SLC8A1: variants seen among roughly 807,000 people sequenced by gnomAD.
The protein encoded by SLC8A1 is solute carrier family 8 member A1, also known as sodium/calcium exchanger 1.
SLC8A1 carries 18 observed loss-of-function variants against 68.3 expected under a neutral mutation model. That is an observed-to-expected ratio of 0.26 (90% CI 0.18 to 0.39). The LOEUF (loss-of-function observed/expected upper bound fraction) is 0.39, where lower values mean the gene tolerates loss of function less well. Ranked by LOEUF, SLC8A1 falls within the 10% of genes least tolerant of loss-of-function variation. The pLI, the probability that SLC8A1 is intolerant of heterozygous loss-of-function variation, is 1.00. For synonymous variants in SLC8A1, 475 were observed against 415.5 expected (o/e 1.14, Z -1.74); for missense variants, 985 against 1,156.7 (o/e 0.85, Z 2.15).
At chr2:40,118,622 T>C (rs1188080992) in intron 7 of SLC8A1, 1 of 145,176 alleles carries the variant, frequency 6.9e-6, no homozygotes, top group Non-Finnish European at 1.5e-5. Context: ...TTTTTTTTTT[T>C]TTTTTTTTTT....
intron 2 of SLC8A1, among the ~76,000 whole-genome samples, chr2:40,185,352 C>A (rs1320847619): frequency 6.6e-6 from 1 of 152,126 alleles, no homozygotes; most frequent in Non-Finnish European, 1.5e-5. Context: ...GGTTCATCGG[C>A]TGATAAATGG....
chr2:40,098,306 C>G (rs550184604), exon 8 of SLC8A1: 5 of 151,948 alleles, frequency 3.3e-5, no homozygotes, highest in African/African-American at 1.2e-4. Flanking sequence ...TTTTAAAAGA[C>G]ATCAGTTTGA....
At chr2:40,315,532 C>A (rs969370233) in intron 2 of SLC8A1, among the ~76,000 whole-genome samples, 2 of 149,184 alleles carry the variant, frequency 1.3e-5, no homozygotes, top group Non-Finnish European at 3.0e-5. Context: ...TAGTATTGAA[C>A]TAGCGTTTAA....
In SLC8A1 at chr2:40,511,125, A is replaced by C. The variant is rs118079501; in HGVS notation, c.-25+1224T>G. On this transcript the variant is annotated intron_variant, in intron 1 of 7. Coordinates refer to the SLC8A1 transcript ENST00000402441. ...TGTCTGTCATCAGAGAAGGAAGGTC[A>C]CATTCAATATTTCTCCATTTCTCTT... is the stretch of plus-strand genomic sequence containing the variant. 4.9e-3 allele frequency among the ~76,000 whole-genome samples: 740 copies of C among 152,304 alleles called. 14 individuals are homozygous for C. Among genetic ancestry groups the C allele is most frequent in the East Asian group, 0.033 (169 of 5,176 alleles).
chr2:40,127,485 C>A (rs2038381836), intron 7 of SLC8A1, among the ~76,000 whole-genome samples: 1 of 152,194 alleles, frequency 6.6e-6, no homozygotes, highest in South Asian at 2.1e-4. Context: ...GAAGGCTCAT[C>A]ATACACAGAA....
At chr2:40,348,680 G>T (rs1015159704) in intron 2 of SLC8A1, among the ~76,000 whole-genome samples, 1 of 152,034 alleles carries the variant, frequency 6.6e-6, no homozygotes, top group Non-Finnish European at 1.5e-5. Context: ...GGGGTCTCAG[G>T]GCAGCTAGTG....
At chr2:40,278,491 CA>C (rs1300923875) in intron 2 of SLC8A1, among the ~76,000 whole-genome samples, 8 of 151,512 alleles carry the variant, frequency 5.3e-5, no homozygotes, top group Non-Finnish European at 1.0e-4. Flanking sequence ...CAAAACAAAA[CA>C]AAACAAAACA....
chr2:40,391,996 A>C (rs1049426725), intron 2 of SLC8A1, among the ~76,000 whole-genome samples: 7 of 152,028 alleles, frequency 4.6e-5, no homozygotes, highest in African/African-American at 1.7e-4. Flanking sequence ...TTCAGTCCTT[A>C]AGTGGAAACA....
At chr2:40,395,994 G>A (rs147244725) in intron 2 of SLC8A1, among the ~76,000 whole-genome samples, 7 of 151,942 alleles carry the variant, frequency 4.6e-5, no homozygotes, top group Admixed American at 1.3e-4. Context: ...TTTTCTTCTG[G>A]GAAAAAACAC....
Position 40,399,569 on chromosome 2 carries a change from C to A in SLC8A1, c.1808+28904G>T, listed in dbSNP as rs1397576216. Reference sequence around the variant, plus strand: ...AAATAAAAAGACTGCAATTTTTAATCTAACTCTTACCAGAATGAAAAACCA... The same window carrying A: ...AAATAAAAAGACTGCAATTTTTAATATAACTCTTACCAGAATGAAAAACCA... On this transcript the variant is annotated intron_variant, in intron 2 of 7. Transcript: ENST00000406785. Among the ~76,000 whole-genome samples the A allele has an allele frequency of 3.9e-5, 6 of 152,266 alleles. No individual in the cohort carries two copies. The South Asian group carries it at 1.0e-3, about 26-fold the overall frequency.
At chr2:40,279,350 G>T (rs938202914) in intron 2 of SLC8A1, among the ~76,000 whole-genome samples, 4 of 152,164 alleles carry the variant, frequency 2.6e-5, no homozygotes, top group South Asian at 2.1e-4. Context: ...ACAGATTTTT[G>T]AAAGAAGCGA....
At chr2:40,393,487 C>A (rs1399698873) in intron 2 of SLC8A1, among the ~76,000 whole-genome samples, 1 of 152,110 alleles carries the variant, frequency 6.6e-6, no homozygotes, top group Non-Finnish European at 1.5e-5. Flanking sequence ...TTCACTGTTT[C>A]TTTAATCCTT....
At chr2:40,337,017 G>A (rs143467928) in intron 2 of SLC8A1, among the ~76,000 whole-genome samples, 2 of 152,254 alleles carry the variant, frequency 1.3e-5, no homozygotes, top group Non-Finnish European at 2.9e-5. Context: ...TGCCTAAGAA[G>A]ATATGAACCT....
chr2:40,451,118 A>G (rs1468719127), intron 1 of SLC8A1, among the ~76,000 whole-genome samples: 1 of 152,174 alleles, frequency 6.6e-6, no homozygotes. Context: ...CTTCTTCATT[A>G]AGGAGGAGCC....
intron 1 of SLC8A1, among the ~76,000 whole-genome samples, chr2:40,447,981 C>T (rs1207245371): frequency 6.6e-6 from 1 of 152,184 alleles, no homozygotes; most frequent in East Asian, 1.9e-4. Flanking sequence ...TGTCTACACT[C>T]TTGGCTGGGC....
chr2:40,305,941 G>C (rs2072500363), intron 2 of SLC8A1, among the ~76,000 whole-genome samples: 1 of 152,158 alleles, frequency 6.6e-6, no homozygotes, highest in South Asian at 2.1e-4. Context: ...ATATTACTTG[G>C]TAAATGAATT....
intron 1 of SLC8A1, among the ~76,000 whole-genome samples, chr2:40,473,324 A>G (rs974105351): frequency 2.0e-5 from 3 of 152,134 alleles, no homozygotes; most frequent in Admixed American, 6.5e-5. Context: ...AAATTTTCCT[A>G]AAATCCCCAC....
chr2:40,112,805 C>G (rs2034719092), exon 8 of SLC8A1: 1 of 152,308 alleles, frequency 6.6e-6, no homozygotes, highest in Admixed American at 6.6e-5. Context: ...AACATGATTG[C>G]CCTTCTTGGT....
intron 2 of SLC8A1, among the ~76,000 whole-genome samples, chr2:40,419,671 T>C (rs1201953350): frequency 2.2e-4 from 34 of 152,296 alleles, no homozygotes; most frequent in Non-Finnish European, 1.0e-4. Context: ...TAATGGTTAG[T>C]GTGCAAGAAG....
Sources: gnomAD v4.1 joint callset for allele counts (sites outside exome capture counted in the v4.1 genomes callset) on GRCh38, gnomAD v4.1.1 for gene constraint, MANE v1.5 for transcripts, NCBI Gene and HGNC (gene_info 2026-07-23, HGNC 2026-07-21) for gene names.